Variants in SGCZ observed in about 807,000 individuals in gnomAD.
SGCZ encodes sarcoglycan zeta.
In SGCZ, 40 loss-of-function variants were observed where a neutral mutation model predicts 41.3. That is an observed-to-expected ratio of 0.97 (90% CI 0.75 to 1.26). The LOEUF is 1.26. SGCZ is among the 50% of genes most tolerant of loss of function. The pLI, the probability that SGCZ is intolerant of heterozygous loss-of-function variation, is 0.00. For synonymous variants in SGCZ, 206 were observed against 137.5 expected (o/e 1.50, Z -3.49); for missense variants, 552 against 369.8 (o/e 1.49, Z -4.04).
chr8:14,668,104 C>T (rs893463799), intron 1 of SGCZ, among the ~76,000 whole-genome samples: 1 of 151,836 alleles, frequency 6.6e-6, no homozygotes, highest in African/African-American at 2.4e-5. Context: ...TTACAGGCAC[C>T]CCCGCCACCA....
intron 5 of SGCZ, among the ~76,000 whole-genome samples, chr8:14,159,128 G>C (rs1803966390): frequency 6.6e-6 from 1 of 151,888 alleles, no homozygotes; most frequent in African/African-American, 2.4e-5. Context: ...TTGATACATG[G>C]CAGGATAAAT....
chr8:15,096,718 G>A (rs949360675), intron 1 of SGCZ, among the ~76,000 whole-genome samples: 1 of 151,254 alleles, frequency 6.6e-6, no homozygotes, highest in Non-Finnish European at 1.5e-5. Context: ...ACACAGTCTC[G>A]CTCTGTCTCC....
intron 3 of SGCZ, among the ~76,000 whole-genome samples, chr8:14,266,365 G>T (rs1464454909): frequency 6.6e-6 from 1 of 152,046 alleles, no homozygotes; most frequent in Non-Finnish European, 1.5e-5. Flanking sequence ...ATGATAATAT[G>T]TTTCACACAC....
rs149539451 is a variant in SGCZ at position 15,230,205 on chromosome 8, G to C, written c.39+7380C>G. 2.5e-3 allele frequency among the ~76,000 whole-genome samples: 365 copies of C among 147,632 alleles called. 2 individuals carry two copies. Among genetic ancestry groups the C allele is most frequent in the African/African-American group, 8.5e-3 (341 of 40,240 alleles). On this transcript the variant is annotated intron_variant, in intron 1 of 7. Coordinates refer to ENST00000382080, the MANE Select transcript of SGCZ (RefSeq NM_139167.4). ...CTAGTTAAAAAAAAAAAAAAAAACT[G>C]TAATGTGAACCACTACTTTGCAACA...
chr8:14,387,276 T>C (rs180790120), intron 2 of SGCZ, among the ~76,000 whole-genome samples: 1 of 152,182 alleles, frequency 6.6e-6, no homozygotes, highest in African/African-American at 2.4e-5. Flanking sequence ...GGCCTCGAAC[T>C]CTTGGCCTCA....
intron 4 of SGCZ, among the ~76,000 whole-genome samples, chr8:14,212,106 C>T (rs1441602151): frequency 2.0e-5 from 3 of 151,980 alleles, no homozygotes; most frequent in African/African-American, 7.3e-5. Flanking sequence ...TTGTAGCAGA[C>T]GATTACTGAG....
At chr8:14,477,608 G>A (rs1338452544) in intron 2 of SGCZ, among the ~76,000 whole-genome samples, 8 of 152,064 alleles carry the variant, frequency 5.3e-5, no homozygotes, top group Admixed American at 5.2e-4. Context: ...TATACAAAAG[G>A]TTAATAAATG....
At chr8:14,378,523 C>G (rs201618272) in intron 2 of SGCZ, among the ~76,000 whole-genome samples, 1 of 152,052 alleles carries the variant, frequency 6.6e-6, no homozygotes. Context: ...TTTTCACAAC[C>G]TACTCATCTG....
At chr8:14,616,142 G>A (rs556443228) in intron 1 of SGCZ, among the ~76,000 whole-genome samples, 1 of 152,034 alleles carries the variant, frequency 6.6e-6, no homozygotes, top group Non-Finnish European at 1.5e-5. Flanking sequence ...ATTTAGCCGG[G>A]CGTGGGAGCG....
At chr8:14,718,473 G>A (rs919900836) in intron 1 of SGCZ, among the ~76,000 whole-genome samples, 4 of 151,984 alleles carry the variant, frequency 2.6e-5, no homozygotes, top group African/African-American at 7.2e-5. Flanking sequence ...TATCAACTAA[G>A]TAAACGTCCC....
At chr8:14,586,621 G>A (rs1013937727) in intron 1 of SGCZ, among the ~76,000 whole-genome samples, 12 of 152,146 alleles carry the variant, frequency 7.9e-5, no homozygotes, top group Non-Finnish European at 1.5e-4. Flanking sequence ...AATGCAAAGT[G>A]ATGCAAAGTT....
intron 2 of SGCZ, among the ~76,000 whole-genome samples, chr8:14,549,230 A>G (rs1210078233): frequency 6.6e-6 from 1 of 152,070 alleles, no homozygotes; most frequent in Non-Finnish European, 1.5e-5. Context: ...AGAGCTAGTA[A>G]ATGGAGATTC....
intron 2 of SGCZ, among the ~76,000 whole-genome samples, chr8:14,409,305 G>A (rs946921353): frequency 1.3e-5 from 2 of 152,022 alleles, no homozygotes; most frequent in African/African-American, 2.4e-5. Flanking sequence ...GTATGTATAG[G>A]AGGGGGCCTC....
At chr8:14,404,713 T>C (rs1251493560) in intron 2 of SGCZ, among the ~76,000 whole-genome samples, 1 of 152,174 alleles carries the variant, frequency 6.6e-6, no homozygotes, top group Non-Finnish European at 1.5e-5. Flanking sequence ...GTAACTGACA[T>C]ACAGGCCTGT....
At chr8:14,814,507 T>C (rs1291175354) in intron 1 of SGCZ, among the ~76,000 whole-genome samples, 3 of 152,284 alleles carry the variant, frequency 2.0e-5, no homozygotes, top group East Asian at 1.9e-4. Flanking sequence ...AGAAGTGCCA[T>C]AAGAATTGAA....
intron 1 of SGCZ, among the ~76,000 whole-genome samples, chr8:15,222,453 A>G (rs1801637006): frequency 6.6e-6 from 1 of 152,116 alleles, no homozygotes; most frequent in South Asian, 2.1e-4. Flanking sequence ...TGAAAAAAAA[A>G]CACCCCTGGA....
chr8:14,567,843 T>A (rs1206263260), intron 1 of SGCZ, among the ~76,000 whole-genome samples: 1 of 152,034 alleles, frequency 6.6e-6, no homozygotes, highest in Non-Finnish European at 1.5e-5. Context: ...ACTGCGAAGG[T>A]CTGCAGCTTC....
intron 1 of SGCZ, among the ~76,000 whole-genome samples, chr8:14,651,652 G>C (rs927040135): frequency 3.3e-5 from 5 of 151,838 alleles, no homozygotes; most frequent in Non-Finnish European, 1.5e-5. Context: ...CAATTTTTAT[G>C]CACAAATTTT....
intron 3 of SGCZ, among the ~76,000 whole-genome samples, chr8:14,298,351 C>T (rs1004713663): frequency 6.6e-6 from 1 of 151,742 alleles, no homozygotes; most frequent in East Asian, 1.9e-4. Flanking sequence ...TCAGGCCTCA[C>T]CCAGCATGAC....
Sources: allele counts gnomAD v4.1 joint callset (sites outside exome capture counted in the v4.1 genomes callset), GRCh38; gene constraint gnomAD v4.1.1; transcripts MANE v1.5; gene names NCBI Gene and HGNC (gene_info 2026-07-23, HGNC 2026-07-21).